The following DNAH8 variants were observed in gnomAD, a reference collection of about 807,000 sequenced individuals.
DNAH8 encodes dynein axonemal heavy chain 8, also known as axonemal beta dynein heavy chain 8.
Under a neutral mutation model 562.1 loss-of-function variants are expected in DNAH8, and 382 were observed. The observed-to-expected ratio is 0.68, with a 90% CI of 0.63 to 0.74. The LOEUF is 0.74. DNAH8 is among the 30% of genes least tolerant of loss of function. The probability of loss-of-function intolerance (pLI) is 0.00; values close to 1 mark genes in which losing one functional copy is unlikely to be tolerated. For missense variants in DNAH8, 5,203 were observed against 5,620.4 expected, an observed-to-expected ratio of 0.93 and a Z score of 2.37; for synonymous variants, 1,881 against 1,919.4, an observed-to-expected ratio of 0.98 and a Z score of 0.52.
chr6:38,851,710 C>A, intron 39 of DNAH8, 36 bp downstream of exon 39: 2 of 1,290,744 alleles, frequency 1.5e-6, no homozygotes, highest in Non-Finnish European at 2.2e-6. Context: ...ACTTGCTTTT[C>A]CCACGACATA....
chr6:39,004,804 G>A (rs1388764438), intron 88 of DNAH8, among the ~76,000 whole-genome samples: 1 of 152,120 alleles, frequency 6.6e-6, no homozygotes, highest in African/African-American at 2.4e-5. Flanking sequence ...TTTATGTCTG[G>A]ATTCTTTCAC....
At chr6:38,854,230 A>T (rs76925705) in intron 41 of DNAH8, among the ~76,000 whole-genome samples, 1 of 55,876 alleles carries the variant, frequency 1.8e-5, no homozygotes, top group Admixed American at 2.6e-4. Flanking sequence ...TAGAAAGTGA[A>T]GACCTCAAAG....
chr6:39,017,090 T>G (rs1314728638), intron 91 of DNAH8, among the ~76,000 whole-genome samples: 1 of 152,232 alleles, frequency 6.6e-6, no homozygotes, highest in African/African-American at 2.4e-5. Flanking sequence ...CCTGTGATAG[T>G]TTTTTCAATG....
At chr6:38,745,134 A>G (rs1764821376) in intron 8 of DNAH8, among the ~76,000 whole-genome samples, 2 of 152,184 alleles carry the variant, frequency 1.3e-5, no homozygotes, top group Admixed American at 1.3e-4. Flanking sequence ...CTTACTGTAA[A>G]AAGGATAAAT....
chr6:38,959,662 G>T (rs1407384696), intron 82 of DNAH8, among the ~76,000 whole-genome samples: 2 of 151,998 alleles, frequency 1.3e-5, no homozygotes, highest in African/African-American at 4.8e-5. Context: ...TGACTTGAAA[G>T]AATTAATATT....
chr6:38,864,133 T>C (rs1020748244), intron 45 of DNAH8, 73 bp downstream of exon 45: 2 of 1,390,662 alleles, frequency 1.4e-6, no homozygotes, highest in African/African-American at 2.9e-5. Context: ...AAGCATGTGT[T>C]AATGGGTAGA....
chr6:38,909,829 CTCTT>C (rs1216183187), intron 65 of DNAH8, 85 bp downstream of exon 65: 5 of 1,087,306 alleles, frequency 4.6e-6, no homozygotes, highest in South Asian at 2.9e-5. Context: ...CAGCAGAAGA[CTCTT>C]TCTATTCATT....
intron 34 of DNAH8, 48 bp downstream of exon 34, chr6:38,842,553 A>G (rs769893195): frequency 7.5e-6 from 12 of 1,592,070 alleles, no homozygotes; most frequent in South Asian, 1.2e-5. Context: ...TTAGGATCCT[A>G]TAGGTATTTC....
Position 38,855,341 on chromosome 6 carries a change from C to T in DNAH8, c.5733+1994C>T, listed in dbSNP as rs1253824225. Among the ~76,000 whole-genome samples, 6 of 151,998 alleles carry T rather than the reference C, an allele frequency of 3.9e-5. No homozygotes were observed. In the East Asian group the frequency reaches 9.6e-4, roughly 24 times the overall value. On this transcript the variant is annotated intron_variant, in intron 41 of 92. Coordinates refer to ENST00000327475, the MANE Select transcript of DNAH8 (RefSeq NM_001206927.2). ...CGTTTACCTATGTAAGAAACCTGCA[C>T]GTTCTGCACGTGTATTCCGAAACTT...
At chr6:38,758,527 T>C (rs888969475) in intron 10 of DNAH8, among the ~76,000 whole-genome samples, 9 of 152,106 alleles carry the variant, frequency 5.9e-5, no homozygotes, top group African/African-American at 1.7e-4. Flanking sequence ...TATTTCCTTC[T>C]CCTGCCCGAT....
chr6:38,796,727 A>G (rs549752521), intron 21 of DNAH8, among the ~76,000 whole-genome samples: 22 of 152,150 alleles, frequency 1.4e-4, no homozygotes, highest in Non-Finnish European at 4.4e-5. Context: ...CAATCCTCTC[A>G]TGGGGACCTG....
At chr6:38,723,258 T>G in intron 2 of DNAH8, 59 bp downstream of exon 2, 1 of 1,574,342 alleles carries the variant, frequency 6.4e-7, no homozygotes, top group East Asian at 2.2e-5. Context: ...TACGAAATAC[T>G]TTTACTTTAC....
chr6:38,908,163 T>G, intron 64 of DNAH8, 43 bp downstream of exon 64: 5 of 1,256,480 alleles, frequency 4.0e-6, no homozygotes, highest in East Asian at 2.6e-5. Context: ...AAAGAGTTCC[T>G]TATTTAAAGG....
chr6:38,936,690 T>G (rs1046958632), intron 77 of DNAH8, among the ~76,000 whole-genome samples: 1 of 152,194 alleles, frequency 6.6e-6, no homozygotes, highest in Non-Finnish European at 1.5e-5. Context: ...GGGATACCCC[T>G]GGGCATTAAA....
At chr6:38,858,859 C>T (rs1776395952) in intron 42 of DNAH8, among the ~76,000 whole-genome samples, 1 of 152,202 alleles carries the variant, frequency 6.6e-6, no homozygotes, top group Admixed American at 6.5e-5. Flanking sequence ...ATTGTATCTG[C>T]TGTCAGCATA....
intron 26 of DNAH8, among the ~76,000 whole-genome samples, chr6:38,820,846 A>G (rs1772761325): frequency 6.6e-6 from 1 of 152,232 alleles, no homozygotes; most frequent in Non-Finnish European, 1.5e-5. Flanking sequence ...ATCTGGGAAT[A>G]GAATTGAACT....
At chr6:38,831,988 G>C (rs1426685184) in intron 30 of DNAH8, among the ~76,000 whole-genome samples, 1 of 152,102 alleles carries the variant, frequency 6.6e-6, no homozygotes, top group Admixed American at 6.6e-5. Flanking sequence ...CCTTATTAGA[G>C]ATTGCTAATC....
In DNAH8 at chr6:38,867,430, C is replaced by T. The variant is rs138984030; in HGVS notation, c.6693+554C>T. Among the ~76,000 whole-genome samples the T allele has an allele frequency of 8.5e-5, 13 of 152,050 alleles. No individual in the cohort carries two copies. In the East Asian group the frequency reaches 2.5e-3, roughly 29 times the overall value. On this transcript the variant is annotated intron_variant, in intron 47 of 92. Coordinates refer to ENST00000327475, the MANE Select transcript of DNAH8 (RefSeq NM_001206927.2). ...TAAACGGAATCACATAGTATGTAACCTCTTGGTTATGCATTTAAAAATCTA... is the reference window on the plus strand; with the variant it reads ...TAAACGGAATCACATAGTATGTAACTTCTTGGTTATGCATTTAAAAATCTA...
At chr6:38,763,375 GAA>G in intron 11 of DNAH8, 2 of 251,016 alleles carry the variant, frequency 8.0e-6, no homozygotes, top group South Asian at 1.1e-4. Flanking sequence ...AAATACAGAA[GAA>G]AAAAAAGCAG....
Sources: allele counts gnomAD v4.1 joint callset (sites outside exome capture counted in the v4.1 genomes callset), GRCh38; gene constraint gnomAD v4.1.1; transcripts MANE v1.5; gene names NCBI Gene and HGNC (gene_info 2026-07-23, HGNC 2026-07-21).